The following SAMMSON variants were observed in gnomAD, a reference collection of about 807,000 sequenced individuals.
SAMMSON encodes the protein survival associated mitochondrial melanoma specific oncogenic non-coding RNA, also known as long intergenic non-protein coding RNA 1212.
intron 4 of SAMMSON, among the ~76,000 whole-genome samples, chr3:70,108,683 C>T (rs1576123949): frequency 6.6e-6 from 1 of 151,492 alleles, no homozygotes; most frequent in African/African-American, 2.4e-5. Flanking sequence ...TTGTAAGAGG[C>T]GACACCGGAG....
At chr3:70,043,951 C>A (rs985350138) in intron 3 of SAMMSON, among the ~76,000 whole-genome samples, 2 of 151,852 alleles carry the variant, frequency 1.3e-5, no homozygotes, top group African/African-American at 4.8e-5. Flanking sequence ...CAAAATTGAT[C>A]CAATTACTCT....
At chr3:70,400,291 T>C (rs1200477540) in intron 2 of SAMMSON, among the ~76,000 whole-genome samples, 1 of 152,136 alleles carries the variant, frequency 6.6e-6, no homozygotes, top group African/African-American at 2.4e-5. Flanking sequence ...TGGGGCCTAG[T>C]GGGAGGTGTT....
At chr3:70,301,604 G>A (rs1432086858) in intron 7 of SAMMSON, among the ~76,000 whole-genome samples, 6 of 152,052 alleles carry the variant, frequency 3.9e-5, no homozygotes, top group Admixed American at 3.9e-4. Context: ...TTCTTTTACA[G>A]TAGGAATGGT....
intron 4 of SAMMSON, among the ~76,000 whole-genome samples, chr3:70,099,243 T>C (rs907929586): frequency 5.9e-5 from 9 of 152,340 alleles, no homozygotes; most frequent in South Asian, 4.1e-4. Context: ...AAAGGTGAAT[T>C]GTTGGATCAA....
At chr3:70,291,389 A>T (rs901784886) in intron 7 of SAMMSON, 1 of 152,156 alleles carries the variant, frequency 6.6e-6, no homozygotes, top group South Asian at 2.1e-4. Flanking sequence ...TATCATTACG[A>T]TATAACAAAT....
intron 1 of SAMMSON, among the ~76,000 whole-genome samples, chr3:70,002,794 A>G (rs1264801897): frequency 6.6e-6 from 1 of 152,152 alleles, no homozygotes; most frequent in East Asian, 1.9e-4. Flanking sequence ...AATTGTGGTT[A>G]CATTTTACAT....
At chr3:70,371,727 T>C (rs1702971841) in intron 9 of SAMMSON, among the ~76,000 whole-genome samples, 1 of 152,178 alleles carries the variant, frequency 6.6e-6, no homozygotes, top group Admixed American at 6.6e-5. Flanking sequence ...ATCTAAGAGT[T>C]TCTTCGTGGA....
chr3:70,018,181 C>G (rs1460611286), intron 3 of SAMMSON, among the ~76,000 whole-genome samples: 1 of 152,120 alleles, frequency 6.6e-6, no homozygotes, highest in African/African-American at 2.4e-5. Context: ...TCTTGTACCT[C>G]TGATAGAATT....
chr3:70,150,186 G>C (rs2067566058), intron 4 of SAMMSON, among the ~76,000 whole-genome samples: 1 of 152,000 alleles, frequency 6.6e-6, no homozygotes, highest in African/African-American at 2.4e-5. Context: ...TCTGAAACTT[G>C]AATGTGACAT....
chr3:70,397,572 G>A (rs1160310274), intron 2 of SAMMSON, among the ~76,000 whole-genome samples: 3 of 152,052 alleles, frequency 2.0e-5, no homozygotes, highest in African/African-American at 2.4e-5. Flanking sequence ...GTCCACTTTC[G>A]GATTAACAAT....
intron 4 of SAMMSON, among the ~76,000 whole-genome samples, chr3:70,117,632 G>C (rs2067416757): frequency 6.6e-6 from 1 of 152,122 alleles, no homozygotes; most frequent in Non-Finnish European, 1.5e-5. Context: ...ATGGGCCTCA[G>C]TATAACCCCC....
intron 4 of SAMMSON, chr3:70,126,019 C>T: frequency 1.1e-6 from 1 of 901,180 alleles, no homozygotes. Context: ...AGTAATTGAT[C>T]TAAAAGCTGT....
intron 6 of SAMMSON, among the ~76,000 whole-genome samples, chr3:70,273,495 C>G (rs1047507384): frequency 6.6e-6 from 1 of 152,070 alleles, no homozygotes; most frequent in Non-Finnish European, 1.5e-5. Flanking sequence ...TTCCCTAAAA[C>G]AGTAAACTCC....
At chr3:70,426,750 A>G (rs1310250954) in intron 2 of SAMMSON, among the ~76,000 whole-genome samples, 5 of 152,230 alleles carry the variant, frequency 3.3e-5, no homozygotes, top group Non-Finnish European at 7.3e-5. Context: ...TATGCTCTGA[A>G]CAACATAGAT....
At chr3:70,237,027 C>G (rs965881671) in intron 4 of SAMMSON, among the ~76,000 whole-genome samples, 23 of 152,182 alleles carry the variant, frequency 1.5e-4, no homozygotes, top group Admixed American at 4.6e-4. Flanking sequence ...CACTTCATTA[C>G]TGCAGCTTGC....
At chr3:70,138,392 C>G (rs55738126) in intron 4 of SAMMSON, among the ~76,000 whole-genome samples, 11,048 of 152,204 alleles carry the variant, frequency 0.073, 542 homozygotes, top group Non-Finnish European at 0.11. Context: ...AGACCCACTT[C>G]CTAGGTGGCT....
At chr3:70,246,716 CTGGCAA>C (rs1056346673) in intron 4 of SAMMSON, among the ~76,000 whole-genome samples, 1 of 152,022 alleles carries the variant, frequency 6.6e-6, no homozygotes, top group Admixed American at 6.6e-5. Flanking sequence ...TATATTTAAT[CTGGCAA>C]TCCAAACTAC....
chr3:70,336,366 A>G (rs1271260337), intron 7 of SAMMSON, among the ~76,000 whole-genome samples: 1 of 152,046 alleles, frequency 6.6e-6, no homozygotes, highest in Non-Finnish European at 1.5e-5. Context: ...ATACTCTTTT[A>G]TACTGGTGAT....
At chr3:70,011,643 G>C (rs775755621) in intron 1 of SAMMSON, among the ~76,000 whole-genome samples, 5 of 150,740 alleles carry the variant, frequency 3.3e-5, no homozygotes, top group Non-Finnish European at 2.9e-5. Context: ...AAGTCAATTG[G>C]TTAAGAAGTG....
Sources: gnomAD v4.1 joint callset for allele counts (sites outside exome capture counted in the v4.1 genomes callset) on GRCh38, gnomAD v4.1.1 for gene constraint, MANE v1.5 for transcripts, NCBI Gene and HGNC (gene_info 2026-07-23, HGNC 2026-07-21) for gene names.